Variants in TTC9 observed in about 807,000 individuals in gnomAD.
The protein encoded by TTC9 is tetratricopeptide repeat domain 9.
Under a neutral mutation model 22.9 loss-of-function variants are expected in TTC9, and 13 were observed. The ratio of observed to expected loss-of-function variants is 0.57; its 90% confidence interval spans 0.37 to 0.90. TTC9 has a LOEUF of 0.90. Ranked by LOEUF, TTC9 falls within the 40% of genes least tolerant of loss-of-function variation. TTC9 has a pLI of 0.01. For missense variants in TTC9, 280 were observed against 291.8 expected (o/e 0.96, Z 0.29); for synonymous variants, 148 against 133.2 (o/e 1.11, Z -0.77).
intron 1 of TTC9, among the ~76,000 whole-genome samples, chr14:70,645,842 G>A (rs1472069278): frequency 6.6e-6 from 1 of 152,190 alleles, no homozygotes; most frequent in African/African-American, 2.4e-5. Context: ...GACAGGACTG[G>A]GTTTTAGGAG....
chr14:70,643,434 G>A (rs1352492229), intron 1 of TTC9, among the ~76,000 whole-genome samples: 2 of 152,202 alleles, frequency 1.3e-5, no homozygotes, highest in Non-Finnish European at 2.9e-5. Flanking sequence ...GCCTTCCTGG[G>A]AGAAGGTGGG....
intron 2 of TTC9, among the ~76,000 whole-genome samples, chr14:70,669,893 AC>A (rs914295715): frequency 6.6e-6 from 1 of 151,864 alleles, no homozygotes; most frequent in African/African-American, 2.4e-5. Context: ...CAGCCCTGTC[AC>A]TCTTATGTTA....
At chr14:70,653,174 A>G (rs1441944611) in intron 1 of TTC9, among the ~76,000 whole-genome samples, 1 of 152,228 alleles carries the variant, frequency 6.6e-6, no homozygotes, top group Non-Finnish European at 1.5e-5. Flanking sequence ...CTGGCTCATA[A>G]CAGATGCTTA....
At chr14:70,646,477 G>C (rs1303194872) in intron 1 of TTC9, among the ~76,000 whole-genome samples, 1 of 152,208 alleles carries the variant, frequency 6.6e-6, no homozygotes, top group Non-Finnish European at 1.5e-5. Flanking sequence ...CTGTGGGGCT[G>C]TGGTGGCCCT....
Position 70,671,378 on chromosome 14 carries a change from C to T in TTC9, c.*223C>T. On this transcript the variant is annotated 3_prime_UTR_variant, in exon 3 of 3. Coordinates refer to ENST00000256367, the MANE Select transcript of TTC9 (RefSeq NM_015351.2). ...CCAGACAATGGAGACATCCTCTCCTCTAGCAGGTCAGCGACTGAGAGGGGC... is the reference window on the plus strand; with the variant it reads ...CCAGACAATGGAGACATCCTCTCCTTTAGCAGGTCAGCGACTGAGAGGGGC... 2.2e-6 allele frequency: 1 copy of T among 453,478 alleles called. No homozygotes were observed. The highest frequency in any genetic ancestry group is 4.1e-6 in the Non-Finnish European group (1 of 246,090). The allele number at this position is 453,478 out of a possible 1,614,324, so 28.1% of individuals were successfully genotyped here.
At chr14:70,650,267 AC>A (rs2139640999) in intron 1 of TTC9, among the ~76,000 whole-genome samples, 1 of 152,322 alleles carries the variant, frequency 6.6e-6, no homozygotes, top group South Asian at 2.1e-4. Context: ...TACTAAAAAT[AC>A]AAAAATTAGC....
rs575247535 is a variant in TTC9 at position 70,669,806 on chromosome 14, C to T, written c.590-1270C>T. Reference sequence around the variant, plus strand: ...TCTGGAGCACTGCTATCTGCCAGCACGGTTCTGGAGGATACGCCTGGCATT... The same window carrying T: ...TCTGGAGCACTGCTATCTGCCAGCATGGTTCTGGAGGATACGCCTGGCATT... On this transcript the variant is annotated intron_variant, in intron 2 of 2. Coordinates refer to ENST00000256367, the MANE Select transcript of TTC9 (RefSeq NM_015351.2). 1.5e-4 allele frequency among the ~76,000 whole-genome samples: 23 copies of T among 152,256 alleles called. 1 individual carries two copies. The South Asian group carries it at 3.9e-3, about 26-fold the overall frequency.
chr14:70,658,626 A>G (rs537566601), intron 1 of TTC9, among the ~76,000 whole-genome samples: 2 of 151,822 alleles, frequency 1.3e-5, no homozygotes, highest in Non-Finnish European at 2.9e-5. Flanking sequence ...GCCTGATCTC[A>G]GTTAAAAGCA....
At chr14:70,662,324 G>A (rs1168653738) in intron 1 of TTC9, among the ~76,000 whole-genome samples, 3 of 151,652 alleles carry the variant, frequency 2.0e-5, no homozygotes, top group Non-Finnish European at 4.4e-5. Flanking sequence ...ATGACTAATG[G>A]TGGAGATGTT....
At chr14:70,661,713 C>T (rs573578779) in intron 1 of TTC9, among the ~76,000 whole-genome samples, 22 of 152,294 alleles carry the variant, frequency 1.4e-4, no homozygotes, top group Middle Eastern at 3.4e-3. Flanking sequence ...GAACATCACA[C>T]TTAGGATTTT....
intron 1 of TTC9, among the ~76,000 whole-genome samples, chr14:70,661,566 A>G (rs1249528822): frequency 5.3e-5 from 8 of 152,224 alleles, no homozygotes. Flanking sequence ...TCTTCCTTTC[A>G]TCTGGTTTCC....
rs376693087 is a variant in TTC9, at chr14:70,667,531, T to C, written c.407-33T>C. On this transcript the variant is annotated intron_variant, in intron 1 of 2. Coordinates refer to ENST00000256367, the MANE Select transcript of TTC9 (RefSeq NM_015351.2). ...AAACATGCAGAGCTGGCCACTGTTG[T>C]GCTGATGGCATTTTCCCTCCCTTCC... 6.3e-5 allele frequency: 101 copies of C among 1,612,300 alleles called. No homozygotes were observed. The African/African-American group carries it at 1.0e-3, about 17-fold the overall frequency.
chr14:70,645,595 G>A (rs1456568615), intron 1 of TTC9, among the ~76,000 whole-genome samples: 1 of 152,162 alleles, frequency 6.6e-6, no homozygotes, highest in East Asian at 1.9e-4. Context: ...ATGATCACTG[G>A]TATTGCTGTT....
chr14:70,642,108 C>T lies in TTC9; in HGVS notation c.-22C>T. ...GCGGCGGGCAGATCGCGGCGCGCACCAGGCGCCGGGGCGGCGGCCGAATGG... is the reference window on the plus strand; with the variant it reads ...GCGGCGGGCAGATCGCGGCGCGCACTAGGCGCCGGGGCGGCGGCCGAATGG... On this transcript the variant is annotated 5_prime_UTR_variant, in exon 1 of 3. Coordinates refer to ENST00000256367, the MANE Select transcript of TTC9 (RefSeq NM_015351.2). The T allele has an allele frequency of 9.2e-7, 1 of 1,092,630 alleles. No individual in the cohort carries two copies. The highest frequency in any genetic ancestry group is 1.1e-6 in the Non-Finnish European group (1 of 900,202). The allele number at this position is 1,092,630 out of a possible 1,614,324, so 67.7% of individuals were successfully genotyped here.
intron 1 of TTC9, among the ~76,000 whole-genome samples, chr14:70,644,461 T>C (rs1254248255): frequency 6.6e-6 from 1 of 152,236 alleles, no homozygotes; most frequent in African/African-American, 2.4e-5. Flanking sequence ...TAAATCTTTA[T>C]AATCTATGTA....
intron 1 of TTC9, among the ~76,000 whole-genome samples, chr14:70,658,699 A>G (rs1387425680): frequency 6.6e-6 from 1 of 152,248 alleles, no homozygotes; most frequent in African/African-American, 2.4e-5. Flanking sequence ...TCTTTCTCTT[A>G]TGATCCAGGA....
At chr14:70,646,783 G>C (rs1885907405) in intron 1 of TTC9, among the ~76,000 whole-genome samples, 2 of 152,178 alleles carry the variant, frequency 1.3e-5, no homozygotes, top group Non-Finnish European at 2.9e-5. Flanking sequence ...CTTGGGATAG[G>C]GATGTGGCAA....
chr14:70,653,618 A>T (rs765281516), intron 1 of TTC9, among the ~76,000 whole-genome samples: 1 of 152,136 alleles, frequency 6.6e-6, no homozygotes, highest in African/African-American at 2.4e-5. Context: ...GGCACACATC[A>T]TCTCCAGCCT....
intron 2 of TTC9, among the ~76,000 whole-genome samples, chr14:70,670,664 CA>C (rs11389513): frequency 4.6e-5 from 7 of 150,670 alleles, no homozygotes; most frequent in Admixed American, 4.0e-4. Flanking sequence ...AACAAACAAA[CA>C]AAAAAAAATA....
Sources: allele counts gnomAD v4.1 joint callset (sites outside exome capture counted in the v4.1 genomes callset), GRCh38; gene constraint gnomAD v4.1.1; transcripts MANE v1.5; gene names NCBI Gene and HGNC (gene_info 2026-07-23, HGNC 2026-07-21).